The following TRIO variants were observed in gnomAD, a reference collection of about 807,000 sequenced individuals.
TRIO encodes the protein triple functional domain protein.
In TRIO, 58 loss-of-function variants were observed where a neutral mutation model predicts 351.9. The observed-to-expected ratio is 0.16, with a 90% confidence interval of 0.13 to 0.21. TRIO has a LOEUF of 0.21. Among genes scored for constraint, TRIO ranks in the 10% least tolerant of loss-of-function variants. The pLI, the probability that TRIO is intolerant of heterozygous loss-of-function variation, is 1.00. For missense variants in TRIO, 3,201 were observed against 4,027.8 expected (o/e 0.79, Z 5.56); for synonymous variants, 1,758 against 1,595.7 (o/e 1.10, Z -2.42).
intron 1 of TRIO, among the ~76,000 whole-genome samples, chr5:14,147,399 G>C (rs1787580149): frequency 6.6e-6 from 1 of 152,158 alleles, no homozygotes; most frequent in Admixed American, 6.5e-5. Flanking sequence ...TTGGGGCTCT[G>C]TTCTCGTGGC....
intron 1 of TRIO, among the ~76,000 whole-genome samples, chr5:14,218,759 C>T (rs867305459): frequency 2.0e-5 from 3 of 152,188 alleles, no homozygotes; most frequent in South Asian, 4.1e-4. Context: ...GTGGGGGTTC[C>T]GCGGCCACTG....
intron 34 of TRIO, among the ~76,000 whole-genome samples, chr5:14,428,163 G>A (rs1579626752): frequency 6.6e-6 from 1 of 152,070 alleles, no homozygotes; most frequent in Non-Finnish European, 1.5e-5. Flanking sequence ...TAACATTTCC[G>A]TGACCTAATA....
At chr5:14,388,791 C>A (rs993086648) in intron 24 of TRIO, 112 bp downstream of exon 24, 2 of 1,248,886 alleles carry the variant, frequency 1.6e-6, no homozygotes, top group Non-Finnish European at 1.1e-6. Flanking sequence ...TTTTTTCTGT[C>A]ATTTTTTTAA....
At chr5:14,359,946 C>T (rs1273938923) in intron 13 of TRIO, among the ~76,000 whole-genome samples, 4 of 152,088 alleles carry the variant, frequency 2.6e-5, no homozygotes, top group African/African-American at 9.7e-5. Context: ...TCTCTTCCTC[C>T]CTGTCGTCTT....
At chr5:14,363,156 G>A (rs959151194) in intron 13 of TRIO, among the ~76,000 whole-genome samples, 9 of 151,852 alleles carry the variant, frequency 5.9e-5, no homozygotes, top group South Asian at 2.1e-4. Flanking sequence ...ATGCCACCAC[G>A]CCCAGCTAAT....
intron 34 of TRIO, 176 bp downstream of exon 34, chr5:14,420,197 G>A (rs1579603217): frequency 6.2e-6 from 6 of 970,796 alleles, no homozygotes; most frequent in East Asian, 5.4e-5. Context: ...AAGAGGAAAT[G>A]AGGATTTCAC....
intron 2 of TRIO, among the ~76,000 whole-genome samples, chr5:14,276,014 A>C (rs2152273403): frequency 6.7e-6 from 1 of 148,498 alleles, no homozygotes; most frequent in Non-Finnish European, 1.5e-5. Context: ...GTATATATAT[A>C]GTTAATTCAG....
intron 1 of TRIO, among the ~76,000 whole-genome samples, chr5:14,249,766 T>C (rs896778919): frequency 6.6e-6 from 1 of 152,084 alleles, no homozygotes; most frequent in Non-Finnish European, 1.5e-5. Flanking sequence ...TGCATGAGGA[T>C]TGGTTTAAAA....
rs576021656 is a variant in TRIO, at chr5:14,379,874, T to C, written c.3448-1256T>C. ...TCTGCTTCTGTTCACTGTCACAATA[T>C]GCAGCACATACCCAGTGCTTTCGCA... On this transcript the variant is annotated intron_variant, in intron 20 of 56. Transcript: ENST00000344204. Among the ~76,000 whole-genome samples the C allele has an allele frequency of 3.3e-5, 5 of 152,330 alleles. No individual in the cohort carries two copies. The East Asian group carries it at 9.7e-4, about 29-fold the overall frequency.
At chr5:14,156,071 A>G (rs971439562) in intron 1 of TRIO, among the ~76,000 whole-genome samples, 1 of 152,162 alleles carries the variant, frequency 6.6e-6, no homozygotes, top group South Asian at 2.1e-4. Flanking sequence ...GTTTTATGCA[A>G]TGAGCTATGA....
intron 56 of TRIO, 47 bp downstream of exon 56, chr5:14,507,307 T>G: frequency 6.2e-7 from 1 of 1,603,702 alleles, no homozygotes; most frequent in Non-Finnish European, 8.5e-7. Flanking sequence ...GCACACCGGC[T>G]TGGCCATGCG....
chr5:14,422,564 G>C (rs754188817), intron 34 of TRIO, among the ~76,000 whole-genome samples: 2 of 152,200 alleles, frequency 1.3e-5, no homozygotes, highest in Non-Finnish European at 2.9e-5. Context: ...GCCAAGAAGG[G>C]TCCAGGATCA....
rs566882830 is a variant in TRIO at position 14,369,472 on chromosome 5, C to A, written c.3165C>A (p.His1055Gln). The A allele has an allele frequency of 1.9e-6, 3 of 1,613,966 alleles. No individual in the cohort carries two copies. The highest frequency in any genetic ancestry group is 2.5e-6 in the Non-Finnish European group (3 of 1,180,034). ...DKLGPNSETD[H>Q]VTPMISKHLE... ...TGGGCCCAAACTCTGAGACGGACCACGTGACGCCCATGATCAGCAAGCACC... is the reference window on the plus strand; with the variant it reads ...TGGGCCCAAACTCTGAGACGGACCAAGTGACGCCCATGATCAGCAAGCACC... Residue 1055 changes from histidine to glutamine, a missense_variant, in exon 18 of 57, where the codon CAC (histidine) becomes CAA (glutamine). Coordinates refer to ENST00000344204, the MANE Select transcript of TRIO (RefSeq NM_007118.4).
chr5:14,498,375 T>C, intron 52 of TRIO, 124 bp downstream of exon 52: 1 of 1,505,188 alleles, frequency 6.6e-7, no homozygotes, highest in South Asian at 1.3e-5. Context: ...ACTTCTTCCG[T>C]GAGAGCCCAT....
intron 2 of TRIO, among the ~76,000 whole-genome samples, chr5:14,271,538 G>A (rs1472124130): frequency 2.0e-5 from 3 of 152,152 alleles, no homozygotes; most frequent in Non-Finnish European, 4.4e-5. Flanking sequence ...CATAGTCAGC[G>A]TTAGGCCGTT....
intron 34 of TRIO, among the ~76,000 whole-genome samples, chr5:14,433,850 A>G (rs1475498989): frequency 6.6e-6 from 1 of 152,206 alleles, no homozygotes; most frequent in Non-Finnish European, 1.5e-5. Context: ...GGATCTTTTC[A>G]TTCTATATTA....
At chr5:14,352,075 G>C (rs1561378800) in intron 11 of TRIO, among the ~76,000 whole-genome samples, 1 of 152,166 alleles carries the variant, frequency 6.6e-6, no homozygotes, top group Non-Finnish European at 1.5e-5. Flanking sequence ...TTAATCACTC[G>C]GGTTTTCACC....
intron 33 of TRIO, among the ~76,000 whole-genome samples, 193 bp downstream of exon 33, chr5:14,406,865 G>A (rs2152381030): frequency 6.6e-6 from 1 of 152,238 alleles, no homozygotes; most frequent in South Asian, 2.1e-4. Context: ...GAACCCTGAG[G>A]ATTCAGGAGA....
At chr5:14,368,566 CT>C in intron 16 of TRIO, 141 bp from the exon 17 acceptor site, 1 of 846,060 alleles carries the variant, frequency 1.2e-6, no homozygotes, top group African/African-American at 1.7e-5. Context: ...GTCTGCTGTG[CT>C]TTTAGAAGCA....
Sources: gnomAD v4.1 joint callset for allele counts (sites outside exome capture counted in the v4.1 genomes callset) on GRCh38, gnomAD v4.1.1 for gene constraint, MANE v1.5 for transcripts, NCBI Gene and HGNC (gene_info 2026-07-23, HGNC 2026-07-21) for gene names.